TNFSF12: variants seen among roughly 807,000 people sequenced by gnomAD.
The protein encoded by TNFSF12 is tumor necrosis factor ligand superfamily member 12.
TNFSF12 carries 16 observed loss-of-function variants against 31.2 expected under a neutral mutation model. The observed-to-expected ratio is 0.51, with a 90% CI of 0.35 to 0.78. The LOEUF is 0.78. Ranked by LOEUF, TNFSF12 falls within the 30% of genes least tolerant of loss-of-function variation. TNFSF12 has a pLI of 0.01. For missense variants in TNFSF12, 324 were observed against 338.8 expected, an observed-to-expected ratio of 0.96 and a Z score of 0.34; for synonymous variants, 150 against 151.4, an observed-to-expected ratio of 0.99 and a Z score of 0.07.
intron 5 of TNFSF12, among the ~76,000 whole-genome samples, chr17:7,555,536 G>A (rs1309458167): frequency 2.0e-5 from 3 of 152,354 alleles, no homozygotes; most frequent in South Asian, 2.1e-4. Flanking sequence ...AAGGCGAGGC[G>A]AGGCGGGCTT....
At position 7,550,753 on chromosome 17, in the gene TNFSF12, C is replaced by A; in HGVS notation, c.284-46C>A. On this transcript the variant is annotated intron_variant, in intron 3 of 6. Coordinates refer to ENST00000293825, the MANE Select transcript of TNFSF12 (RefSeq NM_003809.3). The surrounding 1 kb of genome is among the most constrained non-coding windows in gnomAD (Gnocchi z 4.4). ...GGGGCTGGGAGAGTTGCTCTGGGAC[C>A]CCCACTAGGGCCCGCTTTGCTCATC... The A allele has an allele frequency of 6.3e-7, 1 of 1,588,184 alleles. No homozygotes were observed. Among genetic ancestry groups the A allele is most frequent in the Admixed American group, 1.7e-5 (1 of 59,162 alleles).
rs1597822659 is a variant in TNFSF12 at position 7,549,424 on chromosome 17, T to G, written c.160-50T>G. On this transcript the variant is annotated intron_variant, in intron 1 of 6. Transcript: ENST00000293825. This position sits in a 1 kb window ranked among gnomAD's most constrained non-coding sequence, Gnocchi z 4.1. ...AGGGGAAGGGAGGATGGGTGGAGGGTGAGATGTCAGGTGGAGCGGCACAGG... is the reference window on the plus strand; with the variant it reads ...AGGGGAAGGGAGGATGGGTGGAGGGGGAGATGTCAGGTGGAGCGGCACAGG... 2 of 1,444,714 alleles carry G rather than the reference T, an allele frequency of 1.4e-6. No homozygotes were observed. The highest frequency in any genetic ancestry group is 1.9e-4 in the Middle Eastern group (1 of 5,270). 89.5% of individuals were successfully genotyped at this position (1,444,714 alleles called of 1,614,324 possible).
rs2070978671 is a variant in TNFSF12, at chr17:7,549,754, GGGTGACGT to G, written c.207+237_207+244del. On this transcript the variant is annotated intron_variant, in intron 2 of 6. Coordinates refer to ENST00000293825, the MANE Select transcript of TNFSF12 (RefSeq NM_003809.3). The surrounding 1 kb of genome is among the most constrained non-coding windows in gnomAD (Gnocchi z 4.1). Reference sequence around the variant, plus strand: ...TGAGTCTGAGGTGTTTATTGGCTGGGGGTGACGTGGTTGTATAAGATATGTGAGTCTGC... The same window carrying G: ...TGAGTCTGAGGTGTTTATTGGCTGGGGGTTGTATAAGATATGTGAGTCTGC... 2 of 682,496 alleles carry G rather than the reference GGGTGACGT, an allele frequency of 2.9e-6. No homozygotes were observed. The highest frequency in any genetic ancestry group is 6.1e-5 in the Admixed American group (2 of 33,024). 42.3% of individuals were successfully genotyped at this position (682,496 alleles called of 1,614,324 possible). A position where few individuals can be genotyped will look rare whatever the true frequency, so the allele number is the denominator to read the frequency against.
In TNFSF12 at chr17:7,557,451, C is replaced by T; in HGVS notation, c.*101C>T. On this transcript the variant is annotated 3_prime_UTR_variant, in exon 7 of 7. Coordinates refer to ENST00000293825, the MANE Select transcript of TNFSF12 (RefSeq NM_003809.3). This position sits in a 1 kb window ranked among gnomAD's most constrained non-coding sequence, Gnocchi z 5.2. ...GCCCCACCCTCAGCCGCTCTTTGCT[C>T]CAGACCTGCCCCTCCCTCTAGAGGC... 5 of 1,446,362 alleles carry T rather than the reference C, an allele frequency of 3.5e-6. No individual in the cohort carries two copies. Among genetic ancestry groups the T allele is most frequent in the Non-Finnish European group, 4.6e-6 (5 of 1,091,526 alleles). 89.6% of individuals were successfully genotyped at this position (1,446,362 alleles called of 1,614,324 possible). A position where few individuals can be genotyped will look rare whatever the true frequency, so the allele number is the denominator to read the frequency against.
At chr17:7,551,058 C>T (rs956356108) in intron 5 of TNFSF12, 80 bp downstream of exon 5, 19 of 1,602,884 alleles carry the variant, frequency 1.2e-5, no homozygotes, top group East Asian at 4.5e-5. Context: ...ACTCCCTTCC[C>T]GGCCATCAGT....
chr17:7,554,490 AT>A (rs776481970), intron 5 of TNFSF12, among the ~76,000 whole-genome samples: 5 of 136,952 alleles, frequency 3.7e-5, no homozygotes, highest in Non-Finnish European at 6.3e-5. Context: ...ATTTTTTTTT[AT>A]TTTTTAGTAG....
In TNFSF12 at chr17:7,557,376, C is replaced by A; in HGVS notation, c.*26C>A. The A allele has an allele frequency of 6.4e-7, 1 of 1,551,546 alleles. No homozygotes were observed. The highest frequency in any genetic ancestry group is 1.9e-5 in the Admixed American group (1 of 53,754). On this transcript the variant is annotated 3_prime_UTR_variant, in exon 7 of 7. Transcript: ENST00000293825. This position sits in a 1 kb window ranked among gnomAD's most constrained non-coding sequence, Gnocchi z 5.2. ...GGGGCCCTGGTCTCCCCGCAGTCGT[C>A]CCAGGCTGCCGGCTCCCCTCGACAG...
In TNFSF12 at chr17:7,549,377, G is replaced by A; in HGVS notation, c.159+65G>A. ...AGCTGAGACTGCAGAGGGGCCGCTGGGGGCCGCGTGGGCTGAAGGCAAGGG... is the reference window on the plus strand; with the variant it reads ...AGCTGAGACTGCAGAGGGGCCGCTGAGGGCCGCGTGGGCTGAAGGCAAGGG... On this transcript the variant is annotated intron_variant, in intron 1 of 6. Transcript: ENST00000293825. The surrounding 1 kb of genome is among the most constrained non-coding windows in gnomAD (Gnocchi z 4.1). The A allele has an allele frequency of 7.1e-7, 1 of 1,410,920 alleles. No homozygotes were observed. The highest frequency in any genetic ancestry group is 9.4e-7 in the Non-Finnish European group (1 of 1,069,470). The allele number at this position is 1,410,920 out of a possible 1,614,324, so 87.4% of individuals were successfully genotyped here.
chr17:7,551,350 C>T (rs891778517), intron 5 of TNFSF12, among the ~76,000 whole-genome samples: 1 of 152,088 alleles, frequency 6.6e-6, no homozygotes, highest in African/African-American at 2.4e-5. Context: ...ACCTCAGCAC[C>T]GTGACCTCAG....
chr17:7,553,871 G>T (rs975732770), intron 5 of TNFSF12: 2 of 1,109,176 alleles, frequency 1.8e-6, no homozygotes, highest in African/African-American at 3.2e-5. Context: ...ACCTTTGCTC[G>T]ATGACTTCTA....
chr17:7,551,930 C>T lies in TNFSF12; in HGVS notation c.373+952C>T, dbSNP rs572621200. 4.9e-4 allele frequency among the ~76,000 whole-genome samples: 75 copies of T among 152,204 alleles called. 1 individual carries two copies. The South Asian group carries it at 0.013, about 27-fold the overall frequency. ...CCTTCCAAGTAGCTGGGATTACAGG[C>T]GTGTGCCACCACGCCTGGCTAATTT... On this transcript the variant is annotated intron_variant, in intron 5 of 6. Coordinates refer to ENST00000293825, the MANE Select transcript of TNFSF12 (RefSeq NM_003809.3).
Position 7,557,348 on chromosome 17 carries a change from T to C in TNFSF12, c.748T>C (p.Ter250ArgextTer74). Residue 250 changes from the stop codon to arginine (R), a stop_lost, in exon 7 of 7, where the codon TGA becomes CGA. Transcript: ENST00000293825. This position sits in a 1 kb window ranked among gnomAD's most constrained non-coding sequence, Gnocchi z 5.2. ...LTYFGLFQVH[*>R] Reference sequence around the variant, plus strand: ...CTACTTCGGACTCTTCCAGGTTCACTGAGGGGCCCTGGTCTCCCCGCAGTC... The same window carrying C: ...CTACTTCGGACTCTTCCAGGTTCACCGAGGGGCCCTGGTCTCCCCGCAGTC... The C allele has an allele frequency of 6.3e-7, 1 of 1,590,520 alleles. No homozygotes were observed. The highest frequency in any genetic ancestry group is 8.6e-7 in the Non-Finnish European group (1 of 1,165,018).
intron 5 of TNFSF12, among the ~76,000 whole-genome samples, chr17:7,551,187 C>T (rs557272414): frequency 6.6e-6 from 1 of 152,206 alleles, no homozygotes; most frequent in African/African-American, 2.4e-5. Context: ...CAGCAAATCA[C>T]TGTCCCAGCT....
intron 5 of TNFSF12, among the ~76,000 whole-genome samples, chr17:7,556,006 A>C (rs1020307853): frequency 1.5e-4 from 7 of 45,326 alleles, no homozygotes; most frequent in Non-Finnish European, 3.9e-4. Flanking sequence ...TTGGAGACAG[A>C]GTCTAGCTCT....
Position 7,549,403 on chromosome 17 carries a change from G to T in TNFSF12, c.160-71G>T. 7.0e-7 allele frequency: 1 copy of T among 1,428,826 alleles called. No homozygotes were observed. Among genetic ancestry groups the T allele is most frequent in the Admixed American group, 2.5e-5 (1 of 39,464 alleles). 88.5% of individuals were successfully genotyped at this position (1,428,826 alleles called of 1,614,324 possible). On this transcript the variant is annotated intron_variant, in intron 1 of 6. Coordinates refer to ENST00000293825, the MANE Select transcript of TNFSF12 (RefSeq NM_003809.3). The surrounding 1 kb of genome is among the most constrained non-coding windows in gnomAD (Gnocchi z 4.1). Reference sequence around the variant, plus strand: ...GGGCCGCGTGGGCTGAAGGCAAGGGGAAGGGAGGATGGGTGGAGGGTGAGA... The same window carrying T: ...GGGCCGCGTGGGCTGAAGGCAAGGGTAAGGGAGGATGGGTGGAGGGTGAGA...
intron 5 of TNFSF12, among the ~76,000 whole-genome samples, chr17:7,556,209 G>A (rs1011891275): frequency 6.6e-6 from 1 of 152,064 alleles, no homozygotes; most frequent in African/African-American, 2.4e-5. Context: ...TCGAACTCCC[G>A]ACCTCAGGTG....
At chr17:7,551,115 G>A (rs972941242) in intron 5 of TNFSF12, 137 bp downstream of exon 5, 1 of 1,463,312 alleles carries the variant, frequency 6.8e-7, no homozygotes, top group Non-Finnish European at 9.2e-7. Context: ...TTCTCTCTGT[G>A]ACCCAGGCGT....
In TNFSF12 at chr17:7,549,383, G is replaced by T. The variant is rs967676692; in HGVS notation, c.159+71G>T. The T allele has an allele frequency of 7.1e-6, 10 of 1,409,052 alleles. No individual in the cohort carries two copies. In the African/African-American group the frequency reaches 1.5e-4, roughly 20 times the overall value. The allele number at this position is 1,409,052 out of a possible 1,614,324, so 87.3% of individuals were successfully genotyped here. A position where few individuals can be genotyped will look rare whatever the true frequency, so the allele number is the denominator to read the frequency against. ...GACTGCAGAGGGGCCGCTGGGGGCC[G>T]CGTGGGCTGAAGGCAAGGGGAAGGG... On this transcript the variant is annotated intron_variant, in intron 1 of 6. Coordinates refer to ENST00000293825, the MANE Select transcript of TNFSF12 (RefSeq NM_003809.3). This position sits in a 1 kb window ranked among gnomAD's most constrained non-coding sequence, Gnocchi z 4.1.
At chr17:7,554,374 C>T (rs772625736) in intron 5 of TNFSF12, among the ~76,000 whole-genome samples, 7 of 132,514 alleles carry the variant, frequency 5.3e-5, no homozygotes, top group Admixed American at 9.0e-5. Flanking sequence ...AGTGTAGTGG[C>T]GCGATCTCGG....
Sources: gnomAD v4.1 joint callset for allele counts (sites outside exome capture counted in the v4.1 genomes callset) on GRCh38, gnomAD v4.1.1 for gene constraint, Gnocchi (gnomAD v3.1) non-coding constraint, MANE v1.5 for transcripts, NCBI Gene and HGNC (gene_info 2026-07-23, HGNC 2026-07-21) for gene names.